WBP4: variants seen among roughly 807,000 people sequenced by gnomAD.
WBP4 encodes the protein WW domain binding protein 4, also known as WW domain-binding protein 4.
In WBP4, 37 loss-of-function variants were observed where a neutral mutation model predicts 55.4. The observed-to-expected ratio is 0.67, with a 90% CI of 0.51 to 0.88. WBP4 has a LOEUF of 0.88. WBP4 is among the 40% of genes least tolerant of loss of function. The pLI is 0.00. For missense variants in WBP4, 398 were observed against 420.8 expected, an observed-to-expected ratio of 0.95 and a Z score of 0.47; for synonymous variants, 142 against 140.2, an observed-to-expected ratio of 1.01 and a Z score of -0.09.
At chr13:41,074,945 A>C (rs1413938983) in intron 7 of WBP4, among the ~76,000 whole-genome samples, 1 of 152,216 alleles carries the variant, frequency 6.6e-6, no homozygotes, top group Non-Finnish European at 1.5e-5. Flanking sequence ...CAGTGAGCTG[A>C]GATCACGCCA....
chr13:41,069,459 A>C (rs1878131210), intron 5 of WBP4, among the ~76,000 whole-genome samples: 1 of 152,046 alleles, frequency 6.6e-6, no homozygotes, highest in Admixed American at 6.6e-5. Context: ...TCAGGAGATC[A>C]AAACCATCCT....
intron 7 of WBP4, among the ~76,000 whole-genome samples, chr13:41,075,098 GC>G (rs1184314405): frequency 1.3e-5 from 2 of 152,152 alleles, no homozygotes; most frequent in African/African-American, 4.8e-5. Flanking sequence ...ATATTGGTTT[GC>G]CTTGAATGAT....
At chr13:41,069,914 C>T (rs900856473) in intron 5 of WBP4, among the ~76,000 whole-genome samples, 1 of 151,074 alleles carries the variant, frequency 6.6e-6, no homozygotes, top group Non-Finnish European at 1.5e-5. Flanking sequence ...TACACAGTGT[C>T]GTTTTACAGT....
At chr13:41,070,387 G>A (rs1878186869) in intron 5 of WBP4, among the ~76,000 whole-genome samples, 1 of 151,992 alleles carries the variant, frequency 6.6e-6, no homozygotes, top group African/African-American at 2.4e-5. Flanking sequence ...CCCAAAAAAG[G>A]TTTGAAAGTA....
intron 2 of WBP4, among the ~76,000 whole-genome samples, chr13:41,064,474 C>T (rs908516421): frequency 9.9e-5 from 15 of 152,048 alleles, no homozygotes; most frequent in South Asian, 2.1e-4. Flanking sequence ...AATTATCCTC[C>T]ATAGAAGTTG....
At chr13:41,062,099 T>TG (rs1168218719) in intron 1 of WBP4, 16 of 587,362 alleles carry the variant, frequency 2.7e-5, no homozygotes, top group South Asian at 8.3e-5. Flanking sequence ...CGTAATGGTT[T>TG]TTTTTTTTTT....
At chr13:41,066,592 AT>A (rs1877984266) in intron 4 of WBP4, among the ~76,000 whole-genome samples, 2 of 152,232 alleles carry the variant, frequency 1.3e-5, no homozygotes, top group Admixed American at 6.5e-5. Context: ...ATGACTTTTG[AT>A]TTTTATTAAA....
chr13:41,073,360 A>C (rs1233137097), intron 7 of WBP4, among the ~76,000 whole-genome samples: 1 of 151,960 alleles, frequency 6.6e-6, no homozygotes, highest in Non-Finnish European at 1.5e-5. Context: ...GTTAAATACA[A>C]ACAAATTAGC....
chr13:41,073,671 G>A (rs1399545847), intron 7 of WBP4, among the ~76,000 whole-genome samples: 1 of 151,998 alleles, frequency 6.6e-6, no homozygotes, highest in Non-Finnish European at 1.5e-5. Flanking sequence ...ACCCGGGCGT[G>A]GTGGTGGGCA....
intron 9 of WBP4, 70 bp downstream of exon 9, chr13:41,080,879 C>CAATTT: frequency 6.8e-7 from 1 of 1,477,780 alleles, no homozygotes; most frequent in Non-Finnish European, 9.2e-7. Context: ...CCCTAAATTG[C>CAATTT]AGTAAGTAAT....
rs1877632294 is a variant in WBP4, at chr13:41,061,526, A to T, written c.-148A>T. The T allele has an allele frequency of 7.8e-7, 1 of 1,279,108 alleles. No homozygotes were observed. The highest frequency in any genetic ancestry group is 1.1e-6 in the Non-Finnish European group (1 of 904,942). The allele number at this position is 1,279,108 out of a possible 1,614,324, so 79.2% of individuals were successfully genotyped here. A position where few individuals can be genotyped will look rare whatever the true frequency, so the allele number is the denominator to read the frequency against. On this transcript the variant is annotated 5_prime_UTR_variant, in exon 1 of 10. Transcript: ENST00000379487. ...GGGCACCCGTAGTTGGGAACAGCGG[A>T]ACGCTGGTCCCGGGGACTGAGTAAG...
intron 7 of WBP4, among the ~76,000 whole-genome samples, chr13:41,075,289 C>A (rs973238199): frequency 2.0e-5 from 3 of 152,054 alleles, no homozygotes; most frequent in African/African-American, 7.2e-5. Flanking sequence ...CATTGCTGCC[C>A]CCCCACCCAC....
intron 8 of WBP4, 89 bp from the exon 9 acceptor site, chr13:41,080,557 C>G: frequency 1.0e-6 from 1 of 965,570 alleles, no homozygotes; most frequent in Non-Finnish European, 1.5e-6. Flanking sequence ...GTTTATAAAT[C>G]TATAACAATA....
chr13:41,065,242 C>G lies in WBP4; in HGVS notation c.217C>G (p.Leu73Val), dbSNP rs753029930. 5.1e-5 allele frequency: 82 copies of G among 1,604,428 alleles called. No individual in the cohort carries two copies. Among genetic ancestry groups the G allele is most frequent in the Non-Finnish European group, 7.0e-5 (82 of 1,176,622 alleles). ...GTTTGCTGCAATGGAGGCAGCTGCC[C>G]TGAAAGCATACCAAGAGGATTTGAA... ...KEFAAMEAAA[L>V]KAYQEDLKRL... Residue 73 changes from leucine (L) to valine (V), a missense_variant, in exon 4 of 10, where the codon CTG becomes GTG. Leu to Val is a conservative substitution (Grantham distance 32). Transcript: ENST00000379487.
chr13:41,069,151 G>A (rs1297342003), intron 5 of WBP4, among the ~76,000 whole-genome samples: 1 of 152,104 alleles, frequency 6.6e-6, no homozygotes, highest in Non-Finnish European at 1.5e-5. Context: ...TCTTTTTTCT[G>A]TAGCTGCCTT....
chr13:41,077,701 G>C (rs7322444), intron 8 of WBP4, among the ~76,000 whole-genome samples: 2,790 of 152,198 alleles, frequency 0.018, 82 homozygotes, highest in African/African-American at 0.064. Context: ...AACTATCTCT[G>C]TTTGCTGATT....
intron 8 of WBP4, 80 bp from the exon 9 acceptor site, chr13:41,080,566 T>C (rs1423764527): frequency 6.6e-6 from 7 of 1,060,500 alleles, no homozygotes; most frequent in Non-Finnish European, 9.4e-6. Context: ...TCTATAACAA[T>C]ACCTTTAAAA....
In WBP4 at chr13:41,082,820, G is replaced by A; in HGVS notation, c.1037G>A (p.Gly346Glu). ...VFKEKTVTSLGVMADGVAPVF... is the reference protein window; with the variant it reads ...VFKEKTVTSLEVMADGVAPVF... The stretch of plus-strand genomic sequence containing the variant: ...AAAGAAAAAACAGTCACTTCTCTTG[G>A]AGTTATGGCAGATGGAGTGGCCCCA... The change falls in exon 10 of 10, where the codon GGA becomes GAA. Residue 346 changes from glycine to glutamate, a missense_variant. Gly to Glu is a moderately conservative substitution (Grantham distance 98). Transcript: ENST00000379487. 6.2e-7 allele frequency: 1 copy of A among 1,614,094 alleles called. No individual in the cohort carries two copies. The highest frequency in any genetic ancestry group is 8.5e-7 in the Non-Finnish European group (1 of 1,180,008).
intron 8 of WBP4, among the ~76,000 whole-genome samples, chr13:41,076,551 G>T (rs543254250): frequency 6.3e-4 from 96 of 152,180 alleles, no homozygotes; most frequent in African/African-American, 2.2e-3. Flanking sequence ...AAAGTGCTGG[G>T]ATTACAGGCG....
Sources: allele counts gnomAD v4.1 joint callset (sites outside exome capture counted in the v4.1 genomes callset), GRCh38; gene constraint gnomAD v4.1.1; transcripts MANE v1.5; gene names NCBI Gene and HGNC (gene_info 2026-07-23, HGNC 2026-07-21).